DCAF16: variants seen among roughly 807,000 people sequenced by gnomAD.
DCAF16 encodes DDB1 and CUL4 associated factor 16, also known as DDB1- and CUL4-associated factor 16.
Under a neutral mutation model 17.3 loss-of-function variants are expected in DCAF16, and 10 were observed. The ratio of observed to expected loss-of-function variants is 0.58; its 90% confidence interval spans 0.36 to 0.98. DCAF16 has a LOEUF of 0.98. Among genes scored for constraint, DCAF16 ranks in the 50% least tolerant of loss-of-function variants. The pLI, the probability that DCAF16 is intolerant of heterozygous loss-of-function variation, is 0.01. For missense variants in DCAF16, 249 were observed against 247.6 expected, an observed-to-expected ratio of 1.01 and a Z score of -0.04; for synonymous variants, 111 against 92.8, an observed-to-expected ratio of 1.20 and a Z score of -1.12.
Position 17,803,994 on chromosome 4 carries a change from C to T in DCAF16, c.148G>A (p.Glu50Lys), listed in dbSNP as rs377283826. 2.5e-6 allele frequency: 4 copies of T among 1,614,082 alleles called. No homozygotes were observed. In the African/African-American group the frequency reaches 5.3e-5, roughly 22 times the overall value. The change falls in exon 3 of 3, where the codon GAG (glutamate) becomes AAG (lysine). Residue 50 changes from glutamate (E) to lysine (K), a missense_variant. Transcript: ENST00000382247. ...DSMVPNLSPL[E>K]SLAWQVKCLL... is the part of the protein sequence containing the mutation. Reference sequence around the variant, plus strand: ...CACTTAACCTGCCAGGCAAGACTCTCAAGAGGCGATAAGTTGGGCACCATA... The same window carrying T: ...CACTTAACCTGCCAGGCAAGACTCTTAAGAGGCGATAAGTTGGGCACCATA...
chr4:17,798,921 T>C (rs2109011069), downstream of DCAF16, among the ~76,000 whole-genome samples: 1 of 152,352 alleles, frequency 6.6e-6, no homozygotes, highest in East Asian at 1.9e-4. Flanking sequence ...ATAGAAGTAC[T>C]GGTGGTTGGT....
rs892171823 is a variant in DCAF16, at chr4:17,804,769, A to C, written c.-628T>G. The stretch of plus-strand genomic sequence containing the variant: ...AGGTAGCCTTAACCTGTGAATGAGA[A>C]GACTAGAGACATGATATTAAAGCCT... On this transcript the variant is annotated splice_region_variant and 5_prime_UTR_variant, in exon 3 of 3. Transcript: ENST00000382247. 1.2e-5 allele frequency: 2 copies of C among 167,828 alleles called. No homozygotes were observed. Among genetic ancestry groups the C allele is most frequent in the African/African-American group, 4.8e-5 (2 of 41,444 alleles). 10.4% of individuals were successfully genotyped at this position (167,828 alleles called of 1,614,324 possible).
At chr4:17,796,558 T>C (rs1356111717), downstream of DCAF16, among the ~76,000 whole-genome samples, 1 of 152,058 alleles carries the variant, frequency 6.6e-6, no homozygotes, top group Non-Finnish European at 1.5e-5. Flanking sequence ...ATACAAAAAA[T>C]TAGCTGGGCA....
downstream of DCAF16, among the ~76,000 whole-genome samples, chr4:17,800,393 T>C (rs1719657093): frequency 6.6e-6 from 1 of 152,216 alleles, no homozygotes; most frequent in East Asian, 1.9e-4. Flanking sequence ...AAGGCTTATT[T>C]AGGTACCTGT....
At position 17,809,923 on chromosome 4, in the gene DCAF16, A is replaced by G. The variant is rs1028120968; in HGVS notation, c.-750+524T>C. ...AGATAAGATCTCCCAGGTAACAAAA[A>G]TTATCGCAGAGCTGCCCTCTTTCTG... On this transcript the variant is annotated intron_variant, in intron 1 of 2. Coordinates refer to ENST00000382247, the MANE Select transcript of DCAF16 (RefSeq NM_017741.4). 2.0e-5 allele frequency among the ~76,000 whole-genome samples: 3 copies of G among 152,144 alleles called. No homozygotes were observed. The South Asian group carries it at 6.2e-4, about 31-fold the overall frequency.
chr4:17,798,953 G>C (rs1452502104), downstream of DCAF16, among the ~76,000 whole-genome samples: 2 of 152,162 alleles, frequency 1.3e-5, no homozygotes, highest in Admixed American at 6.5e-5. Flanking sequence ...AACTCCCTCA[G>C]TCCAATGGGT....
chr4:17,809,020 C>T (rs1415305256), intron 1 of DCAF16, among the ~76,000 whole-genome samples: 2 of 152,132 alleles, frequency 1.3e-5, no homozygotes, highest in East Asian at 3.9e-4. Flanking sequence ...CAGAGCAAGA[C>T]TCTGTCTCAA....
At chr4:17,797,645 T>C (rs1238815715), downstream of DCAF16, among the ~76,000 whole-genome samples, 1 of 152,250 alleles carries the variant, frequency 6.6e-6, no homozygotes, top group Non-Finnish European at 1.5e-5. Context: ...AGGTAGTGGC[T>C]GCACCCTTCT....
chr4:17,802,853 T>C lies in DCAF16; in HGVS notation c.*638A>G, dbSNP rs765258176. ...GTAGCTAACTTCTTGCTTTCAACAA[T>C]GGCTGTTCTAAAGTCTGGATAACAA... On this transcript the variant is annotated 3_prime_UTR_variant, in exon 3 of 3. Coordinates refer to ENST00000382247, the MANE Select transcript of DCAF16 (RefSeq NM_017741.4). The C allele has an allele frequency of 9.2e-5, 14 of 152,410 alleles. No homozygotes were observed. Among genetic ancestry groups the C allele is most frequent in the African/African-American group, 3.4e-4 (14 of 41,566 alleles). The allele number at this position is 152,410 out of a possible 1,614,324, so 9.4% of individuals were successfully genotyped here.
chr4:17,799,554 A>G (rs1002466350), downstream of DCAF16, among the ~76,000 whole-genome samples: 1 of 152,260 alleles, frequency 6.6e-6, no homozygotes, highest in African/African-American at 2.4e-5. Flanking sequence ...ACTGGAGCCA[A>G]AAGTAGAAAG....
chr4:17,800,006 G>A (rs972772701), downstream of DCAF16, among the ~76,000 whole-genome samples: 1 of 152,050 alleles, frequency 6.6e-6, no homozygotes, highest in Non-Finnish European at 1.5e-5. Flanking sequence ...AATTAGCTGG[G>A]CGTGGTGGCA....
chr4:17,794,304 A>G, the DCAF16 span, among the ~76,000 whole-genome samples: 1 of 152,152 alleles, frequency 6.6e-6, no homozygotes, highest in Admixed American at 6.6e-5. Context: ...TTCATGTTTC[A>G]TATATACATA....
At chr4:17,798,428 C>T (rs1330593081), downstream of DCAF16, among the ~76,000 whole-genome samples, 1 of 149,512 alleles carries the variant, frequency 6.7e-6, no homozygotes, top group Non-Finnish European at 1.5e-5. Context: ...GAAACTGCCT[C>T]TACAAAGAAA....
Position 17,804,673 on chromosome 4 carries a change from G to A in DCAF16, c.-532C>T, listed in dbSNP as rs141759496. The A allele has an allele frequency of 3.0e-4, 52 of 172,074 alleles. No individual in the cohort carries two copies. Among genetic ancestry groups the A allele is most frequent in the African/African-American group, 1.3e-3 (52 of 41,584 alleles). The allele number at this position is 172,074 out of a possible 1,614,324, so 10.7% of individuals were successfully genotyped here. On this transcript the variant is annotated 5_prime_UTR_variant, in exon 3 of 3. Coordinates refer to ENST00000382247, the MANE Select transcript of DCAF16 (RefSeq NM_017741.4). ...CTGTCAAGAACATCTGGTGTATAAG[G>A]ATCCGATGCTTTCCATAGGTGATGC...
chr4:17,804,252 A>C lies in DCAF16; in HGVS notation c.-111T>G. ...GATGAAAAATCCTTTCACCAAGATT[A>C]ATTTGTCTTTCAGTCCGTTACACAC... On this transcript the variant is annotated 5_prime_UTR_variant, in exon 3 of 3. In the 5' UTR this introduces an upstream ATG that the reference lacks. Transcript: ENST00000382247. The C allele has an allele frequency of 1.1e-6, 1 of 935,440 alleles. No individual in the cohort carries two copies. Among genetic ancestry groups the C allele is most frequent in the Non-Finnish European group, 1.6e-6 (1 of 619,444 alleles). The allele number at this position is 935,440 out of a possible 1,614,324, so 57.9% of individuals were successfully genotyped here.
chr4:17,806,134 A>G (rs1720298490), intron 1 of DCAF16, among the ~76,000 whole-genome samples: 1 of 152,228 alleles, frequency 6.6e-6, no homozygotes, highest in African/African-American at 2.4e-5. Context: ...AGATGATATC[A>G]TCCAATTTAA....
chr4:17,809,379 G>T (rs932414917), intron 1 of DCAF16: 16 of 152,260 alleles, frequency 1.1e-4, no homozygotes, highest in African/African-American at 3.4e-4. Flanking sequence ...AAAAAAGCCA[G>T]ATGCACATAT....
In DCAF16 at chr4:17,805,104, T is replaced by TTA. The variant is rs1553847563; in HGVS notation, c.-631+2_-631+3insTA. On this transcript the variant is annotated splice_region_variant and intron_variant, in intron 2 of 2. Coordinates refer to ENST00000382247, the MANE Select transcript of DCAF16 (RefSeq NM_017741.4). ...TAAAAGTTTTTTTTTTTTTTTTTTT[T>TTA]ACCTTCAGAGGTGCTTGTTGGAATT... 6.8e-6 allele frequency: 1 copy of TTA among 147,686 alleles called. No homozygotes were observed. The highest frequency in any genetic ancestry group is 2.5e-5 in the African/African-American group (1 of 39,936). The allele number at this position is 147,686 out of a possible 1,614,324, so 9.1% of individuals were successfully genotyped here.
At chr4:17,808,658 G>A (rs1334349623) in intron 1 of DCAF16, among the ~76,000 whole-genome samples, 1 of 151,944 alleles carries the variant, frequency 6.6e-6, no homozygotes, top group Non-Finnish European at 1.5e-5. Context: ...GACCTCTGGC[G>A]GCCAGATGTC....
Sources: allele counts gnomAD v4.1 joint callset (sites outside exome capture counted in the v4.1 genomes callset), GRCh38; gene constraint gnomAD v4.1.1; transcripts MANE v1.5; gene names NCBI Gene and HGNC (gene_info 2026-07-23, HGNC 2026-07-21).